The following CCDC66 variants were observed in gnomAD, a reference collection of about 807,000 sequenced individuals.
The protein encoded by CCDC66 is coiled-coil domain-containing protein 66.
CCDC66 carries 133 observed loss-of-function variants against 128.3 expected under a neutral mutation model. The observed-to-expected ratio is 1.04, with a 90% CI of 0.90 to 1.20. The LOEUF is 1.20. Ranked by LOEUF, CCDC66 falls within the 50% of genes most tolerant of loss-of-function variation. CCDC66 has a pLI of 0.00. For missense variants in CCDC66, 1,126 were observed against 1,075.5 expected (o/e 1.05, Z -0.66); for synonymous variants, 387 against 357.0 (o/e 1.08, Z -0.95).
rs200497001 is a variant in CCDC66, at chr3:56,589,769, AG to A, written c.937-3199del. ...TGTTTGCAGATTAATCCTTGATAAA[AG>A]GACTTACATCCAGCATATATTTTTA... is the stretch of plus-strand genomic sequence containing the variant. On this transcript the variant is annotated intron_variant, in intron 7 of 17. Coordinates refer to ENST00000394672, the MANE Select transcript of CCDC66 (RefSeq NM_001141947.3). Among the ~76,000 whole-genome samples the A allele has an allele frequency of 6.0e-4, 92 of 152,332 alleles. 2 individuals are homozygous for A. In the East Asian group the frequency reaches 0.017, roughly 27 times the overall value.
At position 56,619,272 on chromosome 3, in the gene CCDC66, T is replaced by G; in HGVS notation, c.2380T>G (p.Ser794Ala). 1 of 1,576,748 alleles carries G rather than the reference T, an allele frequency of 6.3e-7. No homozygotes were observed. Among genetic ancestry groups the G allele is most frequent in the Non-Finnish European group, 8.6e-7 (1 of 1,165,052 alleles). The change falls in exon 16 of 18, where the codon TCT becomes GCT. Residue 794 changes from serine (S) to alanine (A), a missense_variant and splice_region_variant. Physicochemically the swap from Ser to Ala is moderately conservative, Grantham distance 99 (BLOSUM62 1). Transcript: ENST00000394672. The stretch of plus-strand genomic sequence containing the variant: ...TTTTACTATTTTTTTTTTAAATAGG[T>G]CTCCATCATCACCAGTTCCAGTAGT... ...LNIHSFSKER[S>A]PSSPVPVVKN...
Position 56,593,753 on chromosome 3 carries a change from C to T in CCDC66, c.1319+12C>T. The T allele has an allele frequency of 1.2e-6, 2 of 1,606,432 alleles. No individual in the cohort carries two copies. The highest frequency in any genetic ancestry group is 1.7e-6 in the Non-Finnish European group (2 of 1,173,892). ...AGTAAGAAAACAAAGTAAGTTCATG[C>T]TTATGTATTTATTGACTTTTCAGAA... On this transcript the variant is annotated intron_variant, in intron 9 of 17. Coordinates refer to ENST00000394672, the MANE Select transcript of CCDC66 (RefSeq NM_001141947.3).
intron 7 of CCDC66, among the ~76,000 whole-genome samples, chr3:56,579,467 G>C (rs1577437416): frequency 6.6e-6 from 1 of 151,694 alleles, no homozygotes; most frequent in Non-Finnish European, 1.5e-5. Flanking sequence ...GAATGTGTTT[G>C]CTCTTGCTTC....
chr3:56,597,397 A>C (rs548506459), intron 10 of CCDC66, among the ~76,000 whole-genome samples: 1 of 151,826 alleles, frequency 6.6e-6, no homozygotes, highest in African/African-American at 2.4e-5. Context: ...TTTTGGTTTC[A>C]TAGAAAGTTT....
At chr3:56,569,216 T>C (rs574242332) in intron 6 of CCDC66, 89 of 174,350 alleles carry the variant, frequency 5.1e-4, no homozygotes, top group African/African-American at 1.9e-3. Flanking sequence ...AAGGAGTGAA[T>C]TGATGCTGGA....
intron 13 of CCDC66, chr3:56,616,835 C>CT (rs2075574503): frequency 3.2e-6 from 1 of 316,026 alleles, no homozygotes; most frequent in East Asian, 5.5e-5. Flanking sequence ...GAAGTGGTAT[C>CT]TCAGGTGGTT....
intron 1 of CCDC66, among the ~76,000 whole-genome samples, chr3:56,558,404 TAACC>T (rs2064657707): frequency 1.3e-5 from 2 of 152,252 alleles, no homozygotes; most frequent in Non-Finnish European, 2.9e-5. Flanking sequence ...AAGCAGTTAC[TAACC>T]TTGATGGCAT....
chr3:56,619,416 G>GAATC lies in CCDC66; in HGVS notation c.2526_2529dup (p.Ser844IlefsTer12). The GAATC allele has an allele frequency of 6.2e-7, 1 of 1,613,952 alleles. No individual in the cohort carries two copies. The highest frequency in any genetic ancestry group is 1.3e-5 in the African/African-American group (1 of 75,008). On this transcript the variant is annotated frameshift_variant, in exon 16 of 18. Transcript: ENST00000394672. LOFTEE classifies it high-confidence loss of function. ...AACAGAATTATCATCTGGGATTTCT[G>GAATC]AATCATCCCATTTTATTCCGTATGT... is the stretch of plus-strand genomic sequence containing the variant.
chr3:56,601,718 T>G (rs1391613521), intron 10 of CCDC66, among the ~76,000 whole-genome samples: 1 of 152,052 alleles, frequency 6.6e-6, no homozygotes, highest in African/African-American at 2.4e-5. Context: ...CCTAGGTATT[T>G]TATTCTCTTA....
At chr3:56,566,347 A>C (rs536801121) in intron 4 of CCDC66, among the ~76,000 whole-genome samples, 10 of 151,864 alleles carry the variant, frequency 6.6e-5, no homozygotes, top group Admixed American at 3.9e-4. Context: ...CTGATCTCGA[A>C]CTCCTGAGCT....
At chr3:56,557,290 A>G (rs2064437293) in intron 1 of CCDC66, 37 bp downstream of exon 1, 1 of 386,098 alleles carries the variant, frequency 2.6e-6, no homozygotes, top group Non-Finnish European at 4.5e-6. Context: ...TGGGGTAAGC[A>G]AGGTGGTCGT....
At chr3:56,586,317 A>G (rs2069710303) in intron 7 of CCDC66, among the ~76,000 whole-genome samples, 1 of 151,304 alleles carries the variant, frequency 6.6e-6, no homozygotes, top group African/African-American at 2.4e-5. Context: ...TCACGAGGTC[A>G]GGAAATCGAG....
At chr3:56,589,706 G>A (rs917149192) in intron 7 of CCDC66, among the ~76,000 whole-genome samples, 5 of 152,108 alleles carry the variant, frequency 3.3e-5, no homozygotes, top group African/African-American at 1.2e-4. Context: ...TCTGTTCTTG[G>A]AAGGTTAAAG....
At chr3:56,567,388 C>CA (rs111321207) in intron 6 of CCDC66, among the ~76,000 whole-genome samples, 2,022 of 152,190 alleles carry the variant, frequency 0.013, 38 homozygotes, top group African/African-American at 0.045. Flanking sequence ...GACTCCATCT[C>CA]AAATAAATAA....
chr3:56,588,427 C>A (rs2070226424), intron 7 of CCDC66, among the ~76,000 whole-genome samples: 1 of 152,030 alleles, frequency 6.6e-6, no homozygotes. Flanking sequence ...TAACCAAATA[C>A]CACCTGTTCC....
At chr3:56,592,576 G>A (rs9990085) in intron 7 of CCDC66, among the ~76,000 whole-genome samples, 52 of 151,734 alleles carry the variant, frequency 3.4e-4, no homozygotes, top group African/African-American at 1.3e-3. Flanking sequence ...TTGGCCAGGG[G>A]CTGGCCTTGA....
At chr3:56,592,387 G>T (rs931152896) in intron 7 of CCDC66, among the ~76,000 whole-genome samples, 23 of 152,084 alleles carry the variant, frequency 1.5e-4, no homozygotes, top group African/African-American at 5.6e-4. Flanking sequence ...TTGAGACAGG[G>T]TCTCACTCTG....
rs6766378 is a variant in CCDC66 at position 56,557,630 on chromosome 3, C to G, written c.11+377C>G. 6.2e-4 allele frequency: 154 copies of G among 248,894 alleles called. No individual in the cohort carries two copies. The Middle Eastern group carries it at 8.9e-3, about 14-fold the overall frequency. The allele number at this position is 248,894 out of a possible 1,614,324, so 15.4% of individuals were successfully genotyped here. On this transcript the variant is annotated intron_variant, in intron 1 of 17. Coordinates refer to ENST00000394672, the MANE Select transcript of CCDC66 (RefSeq NM_001141947.3). ...GCCCATGCCCCGGGTTCTTCGCCAC[C>G]TTGTTTTTGGAGTCTTGCAGAATGT...
intron 7 of CCDC66, among the ~76,000 whole-genome samples, chr3:56,576,610 A>G (rs147542831): frequency 0.41 from 56,403 of 137,350 alleles, 13,468 homozygotes; most frequent in Non-Finnish European, 0.55. Context: ...CCTGTGTCCA[A>G]GTGTTCTCAT....
Sources: allele counts gnomAD v4.1 joint callset (sites outside exome capture counted in the v4.1 genomes callset), GRCh38; gene constraint gnomAD v4.1.1; transcripts MANE v1.5; gene names NCBI Gene and HGNC (gene_info 2026-07-23, HGNC 2026-07-21).